LARGE1: variants seen among roughly 807,000 people sequenced by gnomAD.
LARGE1 encodes the protein LARGE xylosyl- and glucuronyltransferase 1.
A neutral mutation model predicts 87.6 loss-of-function variants in LARGE1; 43 were observed. The observed-to-expected ratio is 0.49, with a 90% CI of 0.38 to 0.63. The LOEUF (loss-of-function observed/expected upper bound fraction) is 0.63. Among genes scored for constraint, LARGE1 ranks in the 30% least tolerant of loss-of-function variants. LARGE1 has a pLI of 0.00. For missense variants in LARGE1, 802 were observed against 1,000.2 expected, an observed-to-expected ratio of 0.80 and a Z score of 2.67; for synonymous variants, 434 against 394.6, an observed-to-expected ratio of 1.10 and a Z score of -1.18.
intron 14 of LARGE1, among the ~76,000 whole-genome samples, chr22:33,275,001 G>T (rs756056494): frequency 2.6e-5 from 4 of 152,126 alleles, no homozygotes; most frequent in African/African-American, 9.7e-5. Context: ...GATGACACAC[G>T]CCATGGGATA....
intron 5 of LARGE1, among the ~76,000 whole-genome samples, chr22:33,593,152 T>TA (rs34740567): frequency 0.23 from 34,302 of 151,552 alleles, 4,792 homozygotes; most frequent in East Asian, 0.35. Context: ...TTTCTGTTTT[T>TA]AAAATTTTTT....
chr22:33,199,206 T>TA (rs1477838499), intron 11 of LARGE1, among the ~76,000 whole-genome samples: 1 of 76,382 alleles, frequency 1.3e-5, no homozygotes, highest in Non-Finnish European at 2.3e-5. Context: ...CTGTTTGAGG[T>TA]TTTTTTTTTT....
At chr22:33,568,352 T>A (rs924180425) in intron 5 of LARGE1, among the ~76,000 whole-genome samples, 4 of 152,140 alleles carry the variant, frequency 2.6e-5, no homozygotes, top group African/African-American at 9.7e-5. Context: ...GCTTTATGCA[T>A]CAGCCTCATG....
chr22:33,076,503 T>C, the LARGE1 span, among the ~76,000 whole-genome samples: 153 of 152,344 alleles, frequency 1.0e-3, no homozygotes, highest in Admixed American at 2.6e-3. Context: ...TGTGTGTATC[T>C]GTTTTGAAGC....
At chr22:33,136,934 T>TC in the LARGE1 span, among the ~76,000 whole-genome samples, 91 of 147,884 alleles carry the variant, frequency 6.2e-4, 1 homozygote, top group Admixed American at 2.0e-3. Flanking sequence ...AATATTAAGG[T>TC]AAAAAAAAAA....
At chr22:33,183,119 A>C (rs79280622) in intron 11 of LARGE1, among the ~76,000 whole-genome samples, 12,615 of 151,970 alleles carry the variant, frequency 0.083, 691 homozygotes, top group Middle Eastern at 0.2. Flanking sequence ...AAGATATATA[A>C]GGAGCTCATC....
chr22:33,231,662 C>T lies in LARGE1; in HGVS notation c.1731-64830G>A, dbSNP rs981808334. Among the ~76,000 whole-genome samples the T allele has an allele frequency of 4.6e-5, 7 of 152,150 alleles. 1 individual carries two copies. Among genetic ancestry groups the T allele is most frequent in the African/African-American group, 1.7e-4 (7 of 41,450 alleles). On this transcript the variant is annotated intron_variant, in intron 11 of 11. Transcript: ENST00000608642. ...ACTTTTCCAATTTTCTATAATTCTA[C>T]ACTGACTCTCAAAATGTTGAGAAAC...
downstream of LARGE1, among the ~76,000 whole-genome samples, chr22:33,270,485 C>T (rs1280078760): frequency 6.6e-6 from 1 of 152,146 alleles, no homozygotes; most frequent in Non-Finnish European, 1.5e-5. Flanking sequence ...CCATTAGCAG[C>T]CTGTGTGGTC....
chr22:33,181,823 T>G (rs137375), intron 11 of LARGE1, among the ~76,000 whole-genome samples: 1 of 144,310 alleles, frequency 6.9e-6, no homozygotes, highest in African/African-American at 2.6e-5. Context: ...CCAGTATGCC[T>G]GGCCTTTTTT....
At chr22:33,552,425 ATCTCAAC>A (rs200168645) in intron 6 of LARGE1, among the ~76,000 whole-genome samples, 5,248 of 152,052 alleles carry the variant, frequency 0.035, 126 homozygotes, top group East Asian at 0.15. Flanking sequence ...GATGGCACCT[ATCTCAAC>A]ACGGGAGACA....
At chr22:33,153,202 A>C in the LARGE1 span, among the ~76,000 whole-genome samples, 23 of 151,942 alleles carry the variant, frequency 1.5e-4, 1 homozygote, top group East Asian at 3.5e-3. Flanking sequence ...GTTTTATTTA[A>C]ATTTTTTTAG....
At chr22:33,773,228 C>A (rs1461407488) in intron 1 of LARGE1, among the ~76,000 whole-genome samples, 5 of 152,220 alleles carry the variant, frequency 3.3e-5, no homozygotes, top group African/African-American at 1.2e-4. Flanking sequence ...GCCTGTCAAA[C>A]TGGCACTTCC....
chr22:33,798,790 C>CAAA (rs2086067630), intron 1 of LARGE1, among the ~76,000 whole-genome samples: 1 of 152,230 alleles, frequency 6.6e-6, no homozygotes, highest in Non-Finnish European at 1.5e-5. Context: ...GCTGCAAATG[C>CAAA]AGACACCATG....
At chr22:33,558,690 A>G (rs1759490277) in intron 6 of LARGE1, among the ~76,000 whole-genome samples, 1 of 152,238 alleles carries the variant, frequency 6.6e-6, no homozygotes, top group African/African-American at 2.4e-5. Context: ...AAGAAAGACA[A>G]GACCTGAAGA....
chr22:33,195,087 G>A (rs1795915619), intron 11 of LARGE1, among the ~76,000 whole-genome samples: 1 of 152,194 alleles, frequency 6.6e-6, no homozygotes, highest in Non-Finnish European at 1.5e-5. Context: ...AGGAAGTGGT[G>A]TAGTATATGT....
At chr22:33,211,659 G>C (rs1924968517) in intron 11 of LARGE1, among the ~76,000 whole-genome samples, 1 of 152,110 alleles carries the variant, frequency 6.6e-6, no homozygotes. Flanking sequence ...TGTAGTCCCA[G>C]CTACTCGGGA....
intron 5 of LARGE1, 50 bp from the exon 6 acceptor site, chr22:33,565,069 C>T: frequency 3.9e-6 from 6 of 1,538,134 alleles, no homozygotes; most frequent in South Asian, 1.1e-5. Flanking sequence ...AAAAAAATTG[C>T]TATATTAATT....
At chr22:33,130,364 C>G in the LARGE1 span, among the ~76,000 whole-genome samples, 1 of 145,866 alleles carries the variant, frequency 6.9e-6, no homozygotes, top group Non-Finnish European at 1.5e-5. Context: ...GTGGTGCATT[C>G]CTGTAGTCCC....
At chr22:33,606,418 AAAATAAAATG>A (rs1159454742) in intron 4 of LARGE1, among the ~76,000 whole-genome samples, 2 of 47,480 alleles carry the variant, frequency 4.2e-5, no homozygotes, top group Non-Finnish European at 7.7e-5. Flanking sequence ...ATAAATAAAT[AAAATAAAATG>A]AAATAAAATA....
Sources: allele counts gnomAD v4.1 joint callset (sites outside exome capture counted in the v4.1 genomes callset), GRCh38; gene constraint gnomAD v4.1.1; transcripts MANE v1.5; gene names NCBI Gene and HGNC (gene_info 2026-07-23, HGNC 2026-07-21).